The following NPIPB2 variants were observed in gnomAD, a reference collection of about 807,000 sequenced individuals.
NPIPB2 encodes the protein nuclear pore complex interacting protein family member B2.
In NPIPB2, 27 loss-of-function variants were observed where a neutral mutation model predicts 30.8. That is an observed-to-expected ratio of 0.88 (90% CI 0.65 to 1.21). NPIPB2 has a LOEUF of 1.21. Among genes scored for constraint, NPIPB2 ranks in the 50% most tolerant of loss-of-function variants. The pLI, the probability that NPIPB2 is intolerant of heterozygous loss-of-function variation, is 0.00. For missense variants in NPIPB2, 440 were observed against 446.2 expected, an observed-to-expected ratio of 0.99 and a Z score of 0.13; for synonymous variants, 147 against 162.0, an observed-to-expected ratio of 0.91 and a Z score of 0.70.
At chr16:11,959,060 G>A (rs1036648221) in intron 1 of NPIPB2, among the ~76,000 whole-genome samples, 4 of 152,170 alleles carry the variant, frequency 2.6e-5, no homozygotes, top group Non-Finnish European at 2.9e-5. Flanking sequence ...CAAGCATTTG[G>A]TGCTGGGGCT....
At chr16:11,946,057 T>C (rs1441926284), upstream of NPIPB2, among the ~76,000 whole-genome samples, 1 of 145,650 alleles carries the variant, frequency 6.9e-6, no homozygotes, top group African/African-American at 2.5e-5. Context: ...AAAGAAAGAA[T>C]GAAAGAAGAA....
At chr16:11,932,954 T>A (rs1329648414) in intron 4 of NPIPB2, among the ~76,000 whole-genome samples, 1 of 144,648 alleles carries the variant, frequency 6.9e-6, no homozygotes, top group Non-Finnish European at 1.5e-5. Context: ...CGAGACTCTA[T>A]CTCAAAATTA....
At chr16:11,948,766 C>CAAAAAAAAAAAAA (rs34639444) in intron 1 of NPIPB2, among the ~76,000 whole-genome samples, 1 of 67,244 alleles carries the variant, frequency 1.5e-5, no homozygotes, top group Non-Finnish European at 3.1e-5. Context: ...GACTCCGTCT[C>CAAAAAAAAAAAAA]AAAAAAAAAA....
At chr16:11,967,552 C>T in intron 1 of NPIPB2, 4 of 1,602,584 alleles carry the variant, frequency 2.5e-6, no homozygotes, top group Non-Finnish European at 3.4e-6. Flanking sequence ...GTTAATGTTT[C>T]CGTTTCTACA....
At chr16:11,946,712 C>T (rs991206403), upstream of NPIPB2, among the ~76,000 whole-genome samples, 2 of 151,968 alleles carry the variant, frequency 1.3e-5, no homozygotes, top group Admixed American at 6.6e-5. Flanking sequence ...ATGGGGCCTG[C>T]CACTTTGGAA....
At chr16:11,967,750 C>T (rs1468298371) in intron 1 of NPIPB2, 1 of 1,614,202 alleles carries the variant, frequency 6.2e-7, no homozygotes, top group Admixed American at 1.7e-5. Context: ...GAGGAAGGCG[C>T]AACCATTCTT....
intron 1 of NPIPB2, among the ~76,000 whole-genome samples, chr16:11,938,291 C>A (rs927027757): frequency 6.6e-6 from 1 of 152,086 alleles, no homozygotes; most frequent in East Asian, 1.9e-4. Flanking sequence ...GCTGGGATTA[C>A]AGGTGTGAGC....
chr16:11,961,386 C>A (rs1322650776), intron 1 of NPIPB2, among the ~76,000 whole-genome samples: 3 of 151,952 alleles, frequency 2.0e-5, no homozygotes, highest in African/African-American at 7.3e-5. Flanking sequence ...AGTTCAAAAT[C>A]TTTCCTAGGC....
At chr16:11,945,051 G>A (rs2054991539), upstream of NPIPB2, among the ~76,000 whole-genome samples, 2 of 152,030 alleles carry the variant, frequency 1.3e-5, no homozygotes, top group African/African-American at 4.8e-5. Flanking sequence ...GCCAGGCATG[G>A]TGGAGCATGC....
At chr16:11,951,923 GC>G (rs1227671227) in intron 1 of NPIPB2, among the ~76,000 whole-genome samples, 2 of 152,094 alleles carry the variant, frequency 1.3e-5, no homozygotes, top group African/African-American at 4.8e-5. Flanking sequence ...ACTTTGGGAG[GC>G]CGAGGCGGGC....
At chr16:11,935,674 A>T (rs1196441833) in intron 2 of NPIPB2, among the ~76,000 whole-genome samples, 2 of 150,746 alleles carry the variant, frequency 1.3e-5, no homozygotes, top group Non-Finnish European at 2.9e-5. Flanking sequence ...TGCACATAGG[A>T]TAAAAAAAAA....
chr16:11,950,606 A>G (rs1373383721), intron 1 of NPIPB2, among the ~76,000 whole-genome samples: 2 of 152,064 alleles, frequency 1.3e-5, no homozygotes, highest in African/African-American at 2.4e-5. Flanking sequence ...TTTTCTCCCA[A>G]TGTTCTTTGC....
rs2055184890 is a variant in NPIPB2, at chr16:11,965,340, G to C, written c.-584+11228C>G. ...TTTTGTGATCATGTTGCAGATGGCT[G>C]GGCAGTGCTCCCAAAATGAATATTT... is the stretch of plus-strand genomic sequence containing the variant. On this transcript the variant is annotated intron_variant, in intron 1 of 5. Coordinates refer to the NPIPB2 transcript ENST00000538896. The C allele has an allele frequency of 6.2e-7, 1 of 1,614,112 alleles. No individual in the cohort carries two copies.
At chr16:11,967,496 T>A (rs1408742382) in intron 1 of NPIPB2, 1 of 1,441,534 alleles carries the variant, frequency 6.9e-7, no homozygotes, top group Non-Finnish European at 9.5e-7. Flanking sequence ...TGAGTCCCGA[T>A]GTGTACTGCT....
upstream of NPIPB2, among the ~76,000 whole-genome samples, chr16:11,946,153 G>C (rs1225533989): frequency 6.6e-6 from 1 of 151,956 alleles, no homozygotes; most frequent in Non-Finnish European, 1.5e-5. Flanking sequence ...TGGGAGGCCA[G>C]AGCGGGCAGA....
intron 1 of NPIPB2, among the ~76,000 whole-genome samples, chr16:11,961,092 A>T (rs1465537841): frequency 6.6e-6 from 1 of 151,956 alleles, no homozygotes; most frequent in Non-Finnish European, 1.5e-5. Flanking sequence ...CAAACTCCTG[A>T]CTTCAGGTGA....
rs890658948 is a variant in NPIPB2 at position 11,935,749 on chromosome 16, A to C, written c.192+1791T>G. ...AAAAGATGAAAAGAGCAACCACGTC[A>C]ATCCCACAGCTACTGCTAGATTTCA... On this transcript the variant is annotated intron_variant, in intron 2 of 7. Coordinates refer to ENST00000399147, the Ensembl canonical transcript of NPIPB2. Among the ~76,000 whole-genome samples, 109 of 140,410 alleles carry C rather than the reference A, an allele frequency of 7.8e-4. 5 individuals are homozygous for C. In the East Asian group the frequency reaches 0.021, roughly 27 times the overall value. 92.1% of individuals were successfully genotyped at this position (140,410 alleles called of 152,430 possible). A position where few individuals can be genotyped will look rare whatever the true frequency, so the allele number is the denominator to read the frequency against.
chr16:11,971,784 C>T (rs937210436), intron 1 of NPIPB2, among the ~76,000 whole-genome samples: 3 of 152,052 alleles, frequency 2.0e-5, no homozygotes, highest in African/African-American at 2.4e-5. Context: ...TGCGAGCTAC[C>T]GTGCTCCTGG....
chr16:11,945,413 C>G (rs1218212379), upstream of NPIPB2, among the ~76,000 whole-genome samples: 2 of 151,906 alleles, frequency 1.3e-5, no homozygotes, highest in African/African-American at 2.4e-5. Context: ...GTAACTCACA[C>G]CTGTAATCTC....
Sources: gnomAD v4.1 joint callset for allele counts (sites outside exome capture counted in the v4.1 genomes callset) on GRCh38, gnomAD v4.1.1 for gene constraint, MANE v1.5 for transcripts, NCBI Gene and HGNC (gene_info 2026-07-23, HGNC 2026-07-21) for gene names.